ADAMTS18: variants seen among roughly 807,000 people sequenced by gnomAD.
ADAMTS18 encodes the protein A disintegrin and metalloproteinase with thrombospondin motifs 18.
Under a neutral mutation model 165.9 loss-of-function variants are expected in ADAMTS18, and 157 were observed. The ratio of observed to expected loss-of-function variants is 0.95; its 90% CI spans 0.83 to 1.08. The LOEUF is 1.08. Ranked by LOEUF, ADAMTS18 falls within the 50% of genes least tolerant of loss-of-function variation. ADAMTS18 has a pLI of 0.00. For synonymous variants in ADAMTS18, 782 were observed against 578.2 expected, an observed-to-expected ratio of 1.35 and a Z score of -5.06; for missense variants, 2,040 against 1,534.0, an observed-to-expected ratio of 1.33 and a Z score of -5.51.
chr16:77,416,344 A>T (rs896816043), intron 3 of ADAMTS18, among the ~76,000 whole-genome samples: 6 of 152,228 alleles, frequency 3.9e-5, no homozygotes, highest in African/African-American at 1.4e-4. Flanking sequence ...ATGGTAAGAA[A>T]TCTGGATTAT....
At position 77,367,829 on chromosome 16, in the gene ADAMTS18, A is replaced by C. The variant is rs2056821418; in HGVS notation, c.496-106T>G. The C allele has an allele frequency of 2.4e-5, 31 of 1,305,322 alleles. No homozygotes were observed. The South Asian group carries it at 3.7e-4, about 16-fold the overall frequency. The allele number at this position is 1,305,322 out of a possible 1,614,324, so 80.9% of individuals were successfully genotyped here. On this transcript the variant is annotated intron_variant, in intron 3 of 22. Transcript: ENST00000282849. ...ACTAATTCCTGTATGTGGGCACAGG[A>C]GCTAAAAGCTTCACACATATTGCCT...
chr16:77,368,784 A>T (rs1314642844), intron 3 of ADAMTS18, among the ~76,000 whole-genome samples: 3 of 152,182 alleles, frequency 2.0e-5, no homozygotes, highest in Non-Finnish European at 2.9e-5. Flanking sequence ...GGCATGAGTG[A>T]TGTGATCTCT....
chr16:77,287,418 A>G (rs1368082652), intron 22 of ADAMTS18, among the ~76,000 whole-genome samples: 1 of 152,110 alleles, frequency 6.6e-6, no homozygotes, highest in Non-Finnish European at 1.5e-5. Context: ...GGTCAGAACA[A>G]ACACGTGGGC....
intron 22 of ADAMTS18, among the ~76,000 whole-genome samples, chr16:77,285,548 T>C (rs2055233668): frequency 2.6e-5 from 4 of 151,166 alleles, no homozygotes; most frequent in Admixed American, 2.6e-4. Flanking sequence ...TCAGAAATGC[T>C]TAGAGTTCCT....
At position 77,314,785 on chromosome 16, in the gene ADAMTS18, T is replaced by TATAA. The variant is rs1430439608; in HGVS notation, c.2532+5063_2532+5064insTTAT. On this transcript the variant is annotated intron_variant, in intron 16 of 22. Coordinates refer to ENST00000282849, the MANE Select transcript of ADAMTS18 (RefSeq NM_199355.4). The stretch of plus-strand genomic sequence containing the variant: ...ATATATATATATATATATATATATA[T>TATAA]AAAATATATGTGATATGCTCAGAAG... Among the ~76,000 whole-genome samples, 36 of 87,104 alleles carry TATAA rather than the reference T, an allele frequency of 4.1e-4. 1 individual carries two copies. The East Asian group carries it at 8.3e-3, about 20-fold the overall frequency. The allele number at this position is 87,104 out of a possible 152,430, so 57.1% of individuals were successfully genotyped here.
At chr16:77,410,953 G>A (rs1441706873) in intron 3 of ADAMTS18, among the ~76,000 whole-genome samples, 1 of 152,136 alleles carries the variant, frequency 6.6e-6, no homozygotes, top group African/African-American at 2.4e-5. Flanking sequence ...GATACTCCCT[G>A]TTTATTCACT....
At chr16:77,346,573 C>A (rs551752842) in intron 10 of ADAMTS18, among the ~76,000 whole-genome samples, 22 of 152,186 alleles carry the variant, frequency 1.4e-4, no homozygotes, top group East Asian at 1.4e-3. Context: ...ATTGTGGCCA[C>A]ATGACGAAAG....
chr16:77,290,169 CTAAACTAGGAGTTTG>C (rs1307067638), intron 21 of ADAMTS18, among the ~76,000 whole-genome samples: 8 of 152,256 alleles, frequency 5.3e-5, no homozygotes, highest in African/African-American at 1.7e-4. Flanking sequence ...ATCAAATTAT[CTAAACTAGGAGTTTG>C]TAAACTTTTC....
intron 3 of ADAMTS18, among the ~76,000 whole-genome samples, chr16:77,386,920 C>T (rs1394004761): frequency 6.6e-6 from 1 of 152,156 alleles, no homozygotes; most frequent in African/African-American, 2.4e-5. Flanking sequence ...TGCTGTCCTA[C>T]AGCAACAAAC....
rs980611720 is a variant in ADAMTS18 at position 77,364,397 on chromosome 16, G to C, written c.779-16C>G. ...TTGGGAGCATCTACGATGAACAGAAGAGCATTTGGAAGGGATATTAGAGAA... is the reference window on the plus strand; with the variant it reads ...TTGGGAGCATCTACGATGAACAGAACAGCATTTGGAAGGGATATTAGAGAA... On this transcript the variant is annotated splice_polypyrimidine_tract_variant and intron_variant, in intron 4 of 22. Transcript: ENST00000282849. 5 of 1,612,708 alleles carry C rather than the reference G, an allele frequency of 3.1e-6. No homozygotes were observed. The highest frequency in any genetic ancestry group is 1.3e-5 in the African/African-American group (1 of 74,686).
At chr16:77,427,203 C>G (rs2057684552) in intron 3 of ADAMTS18, among the ~76,000 whole-genome samples, 1 of 152,160 alleles carries the variant, frequency 6.6e-6, no homozygotes, top group Non-Finnish European at 1.5e-5. Context: ...ATTTTCAGCC[C>G]TTCAAGTGAA....
chr16:77,346,338 C>G (rs998802220), intron 10 of ADAMTS18, among the ~76,000 whole-genome samples: 8 of 152,118 alleles, frequency 5.3e-5, no homozygotes, highest in African/African-American at 1.9e-4. Context: ...GTATCCCAAG[C>G]ACCCAAAACA....
chr16:77,423,511 C>T (rs1218450631), intron 3 of ADAMTS18, among the ~76,000 whole-genome samples: 2 of 152,116 alleles, frequency 1.3e-5, no homozygotes, highest in East Asian at 1.9e-4. Flanking sequence ...TTCAATTAAG[C>T]ATCCATAGCC....
intron 3 of ADAMTS18, among the ~76,000 whole-genome samples, chr16:77,382,912 C>G (rs1309546578): frequency 6.6e-6 from 1 of 152,180 alleles, no homozygotes; most frequent in Non-Finnish European, 1.5e-5. Flanking sequence ...GCTTGAATGT[C>G]TGGGAGGAGA....
At chr16:77,418,567 C>T (rs1190588592) in intron 3 of ADAMTS18, among the ~76,000 whole-genome samples, 1 of 152,132 alleles carries the variant, frequency 6.6e-6, no homozygotes, top group African/African-American at 2.4e-5. Context: ...ACAGCTTCCC[C>T]CTAGAAAGAA....
intron 3 of ADAMTS18, among the ~76,000 whole-genome samples, chr16:77,402,256 A>C (rs1350311362): frequency 6.6e-6 from 1 of 152,232 alleles, no homozygotes; most frequent in South Asian, 2.1e-4. Context: ...TTCCTGCTGC[A>C]GCACAAAATA....
Position 77,337,258 on chromosome 16 carries a change from C to A in ADAMTS18, c.1711-1354G>T, listed in dbSNP as rs139207363. On this transcript the variant is annotated intron_variant, in intron 11 of 22. Coordinates refer to ENST00000282849, the MANE Select transcript of ADAMTS18 (RefSeq NM_199355.4). ...TACCATAAGCATGCATCTTTTCTACCGGGAATCACGAGGACTCTACTGGAC... is the reference window on the plus strand; with the variant it reads ...TACCATAAGCATGCATCTTTTCTACAGGGAATCACGAGGACTCTACTGGAC... 3.8e-3 allele frequency among the ~76,000 whole-genome samples: 585 copies of A among 152,170 alleles called. 2 individuals are homozygous for A. The highest frequency in any genetic ancestry group is 0.013 in the African/African-American group (559 of 41,496).
chr16:77,337,176 A>G (rs923988357), intron 11 of ADAMTS18, among the ~76,000 whole-genome samples: 1 of 152,190 alleles, frequency 6.6e-6, no homozygotes. Flanking sequence ...GCATGAAACC[A>G]TATAACACTA....
intron 3 of ADAMTS18, among the ~76,000 whole-genome samples, chr16:77,401,852 C>A (rs2057335998): frequency 6.6e-6 from 1 of 152,152 alleles, no homozygotes; most frequent in African/African-American, 2.4e-5. Context: ...CTTCTTCTGC[C>A]CTAGGACATC....
Sources: gnomAD v4.1 joint callset for allele counts (sites outside exome capture counted in the v4.1 genomes callset) on GRCh38, gnomAD v4.1.1 for gene constraint, MANE v1.5 for transcripts, NCBI Gene and HGNC (gene_info 2026-07-23, HGNC 2026-07-21) for gene names.